Variants in IGSF11 observed in about 807,000 individuals in gnomAD.
IGSF11 encodes CXADR like 1.
Under a neutral mutation model 41.0 loss-of-function variants are expected in IGSF11, and 22 were observed. The ratio of observed to expected loss-of-function variants is 0.54; its 90% CI spans 0.38 to 0.77. The LOEUF is 0.77. Ranked by LOEUF, IGSF11 falls within the 30% of genes least tolerant of loss-of-function variation. The pLI, the probability that IGSF11 is intolerant of heterozygous loss-of-function variation, is 0.00. For synonymous variants in IGSF11, 219 were observed against 201.3 expected (o/e 1.09, Z -0.74); for missense variants, 444 against 530.8 (o/e 0.84, Z 1.61).
At chr3:119,025,966 G>A (rs1305594834) in intron 1 of IGSF11, among the ~76,000 whole-genome samples, 2 of 152,130 alleles carry the variant, frequency 1.3e-5, no homozygotes, top group African/African-American at 4.8e-5. Context: ...CCATGTAACA[G>A]ATGTGGTAAG....
intron 1 of IGSF11, among the ~76,000 whole-genome samples, chr3:118,955,219 TACAC>T (rs34044399): frequency 0.026 from 3,716 of 144,432 alleles, 56 homozygotes; most frequent in African/African-American, 0.051. Context: ...TATATGTACA[TACAC>T]ACACACACAC....
chr3:119,078,003 C>A (rs929910301), intron 1 of IGSF11, among the ~76,000 whole-genome samples: 1 of 152,156 alleles, frequency 6.6e-6, no homozygotes, highest in Admixed American at 6.5e-5. Context: ...CAAAACACAG[C>A]TGAAAGAAAT....
chr3:119,115,021 T>C (rs2077236392), intron 1 of IGSF11, among the ~76,000 whole-genome samples: 1 of 151,972 alleles, frequency 6.6e-6, no homozygotes, highest in South Asian at 2.1e-4. Context: ...AATAACCAGA[T>C]CTCAGTCACT....
At chr3:119,001,913 A>G in intron 1 of IGSF11, among the ~76,000 whole-genome samples, 1 of 134,134 alleles carries the variant, frequency 7.5e-6, no homozygotes, top group African/African-American at 3.2e-5. Context: ...GCTATTGTGA[A>G]TAATGCCGCA....
intron 1 of IGSF11, among the ~76,000 whole-genome samples, chr3:119,006,082 G>T (rs972002804): frequency 8.9e-6 from 1 of 112,762 alleles, no homozygotes; most frequent in Non-Finnish European, 1.7e-5. Flanking sequence ...TCCATTCTCC[G>T]CATCACTTTC....
intron 1 of IGSF11, among the ~76,000 whole-genome samples, chr3:118,981,567 A>G (rs150867242): frequency 1.1e-3 from 167 of 152,218 alleles, no homozygotes; most frequent in African/African-American, 3.9e-3. Flanking sequence ...CTGTTCCTCA[A>G]TGTGATTGTT....
intron 1 of IGSF11, among the ~76,000 whole-genome samples, chr3:119,068,544 C>T (rs1356693626): frequency 1.3e-5 from 2 of 152,140 alleles, no homozygotes; most frequent in Non-Finnish European, 2.9e-5. Flanking sequence ...GAACATTATG[C>T]CATTTAATAT....
intron 1 of IGSF11, among the ~76,000 whole-genome samples, chr3:119,028,968 G>A (rs1357453076): frequency 6.6e-6 from 1 of 151,886 alleles, no homozygotes; most frequent in Non-Finnish European, 1.5e-5. Flanking sequence ...TGAGTGAAGG[G>A]TGTGCATGGG....
chr3:119,064,931 G>A (rs2107458288), intron 1 of IGSF11, among the ~76,000 whole-genome samples: 1 of 152,040 alleles, frequency 6.6e-6, no homozygotes, highest in Admixed American at 6.6e-5. Flanking sequence ...TCTTTTGAAT[G>A]GTCTACATGT....
chr3:119,054,933 CG>C (rs1471336732), intron 1 of IGSF11, among the ~76,000 whole-genome samples: 1 of 152,148 alleles, frequency 6.6e-6, no homozygotes, highest in Non-Finnish European at 1.5e-5. Context: ...CCCCCAAGTA[CG>C]GGCGGACTGA....
intron 1 of IGSF11, among the ~76,000 whole-genome samples, chr3:119,050,080 T>C (rs1224912885): frequency 3.4e-5 from 5 of 149,104 alleles, no homozygotes; most frequent in Non-Finnish European, 6.0e-5. Flanking sequence ...ATTCAGGACA[T>C]AGGCATGGGC....
chr3:119,037,295 T>C (rs116215183), upstream of IGSF11, among the ~76,000 whole-genome samples: 64 of 152,294 alleles, frequency 4.2e-4, no homozygotes, highest in African/African-American at 1.5e-3. Flanking sequence ...ACACCTATTA[T>C]CTGATTTAAT....
chr3:119,003,720 T>A (rs1438362068), intron 1 of IGSF11, among the ~76,000 whole-genome samples: 7 of 152,086 alleles, frequency 4.6e-5, no homozygotes, highest in African/African-American at 1.7e-4. Flanking sequence ...ATTGAGATAA[T>A]CATGTGGTTT....
intron 1 of IGSF11, among the ~76,000 whole-genome samples, chr3:119,093,236 C>T (rs1029393381): frequency 6.6e-5 from 10 of 152,284 alleles, no homozygotes; most frequent in Admixed American, 2.0e-4. Context: ...GCCTTCAACA[C>T]TTCTGTATTT....
chr3:119,007,139 G>C (rs1160698600), intron 1 of IGSF11, among the ~76,000 whole-genome samples: 16 of 137,784 alleles, frequency 1.2e-4, no homozygotes, highest in South Asian at 2.6e-4. Flanking sequence ...AGGACCCTCC[G>C]AGCCAGGTGT....
At chr3:119,072,570 T>A (rs2076417002) in intron 1 of IGSF11, among the ~76,000 whole-genome samples, 1 of 152,214 alleles carries the variant, frequency 6.6e-6, no homozygotes, top group African/African-American at 2.4e-5. Flanking sequence ...GGTGGGTTTG[T>A]GGTCTCGCTG....
chr3:119,040,874 C>A (rs771144497), intron 1 of IGSF11, among the ~76,000 whole-genome samples: 1 of 152,158 alleles, frequency 6.6e-6, no homozygotes, highest in African/African-American at 2.4e-5. Flanking sequence ...CACACTTACA[C>A]ACATTTAGAT....
chr3:118,994,203 G>A (rs961198668), intron 1 of IGSF11, among the ~76,000 whole-genome samples: 1 of 152,036 alleles, frequency 6.6e-6, no homozygotes, highest in African/African-American at 2.4e-5. Context: ...CTGGCTCTGG[G>A]GGCACCAGAG....
At position 118,928,692 on chromosome 3, in the gene IGSF11, T is replaced by C. The variant is rs369148066; in HGVS notation, c.241A>G (p.Met81Val). ...EQVILYQGGQ[M>V]FDGAPRFHGR... ...TGGAACCGGGGGGCACCATCAAACATCTGTCCACCCTGATACAGGATGACC... is the reference window on the plus strand; with the variant it reads ...TGGAACCGGGGGGCACCATCAAACACCTGTCCACCCTGATACAGGATGACC... The change falls in exon 3 of 7, where the codon ATG (methionine) becomes GTG (valine). Residue 81 changes from methionine to valine, a missense_variant. Transcript: ENST00000393775. 5.0e-6 allele frequency: 8 copies of C among 1,613,694 alleles called. No individual in the cohort carries two copies. Among genetic ancestry groups the C allele is most frequent in the Middle Eastern group, 3.3e-4 (2 of 6,078 alleles).
Sources: allele counts gnomAD v4.1 joint callset (sites outside exome capture counted in the v4.1 genomes callset), GRCh38; gene constraint gnomAD v4.1.1; transcripts MANE v1.5; gene names NCBI Gene and HGNC (gene_info 2026-07-23, HGNC 2026-07-21).